TENM1: variants seen among roughly 807,000 people sequenced by gnomAD.
TENM1 encodes the protein teneurin-1.
In TENM1, 35 loss-of-function variants were observed where a neutral mutation model predicts 174.8. The ratio of observed to expected loss-of-function variants is 0.20; its 90% CI spans 0.15 to 0.27. The LOEUF (loss-of-function observed/expected upper bound fraction) is 0.27, where lower values mean the gene tolerates loss of function less well. Ranked by LOEUF, TENM1 falls within the 10% of genes least tolerant of loss-of-function variation. TENM1 has a pLI of 1.00. For missense variants in TENM1, 1,633 were observed against 2,130.1 expected (o/e 0.77, Z 4.59); for synonymous variants, 781 against 798.7 (o/e 0.98, Z 0.37).
chrX:124,405,143 A>G (rs1343327666), exon 27 of TENM1: 1 of 1,211,659 alleles, frequency 8.3e-7, no homozygotes, highest in Non-Finnish European at 1.1e-6. Flanking sequence ...GCATTTGCCC[A>G]GGGTAGGGTT....
chrX:124,892,834 CA>C (rs1281683024), intron 3 of TENM1, among the ~76,000 whole-genome samples: 1 of 111,986 alleles, frequency 8.9e-6, no homozygotes, highest in East Asian at 2.8e-4. Context: ...GGTAGCAAAA[CA>C]TATACATAAA....
chrX:124,955,957 T>C (rs974737286), intron 1 of TENM1, among the ~76,000 whole-genome samples: 1 of 111,594 alleles, frequency 9.0e-6, no homozygotes, highest in African/African-American at 3.3e-5. Flanking sequence ...CTCTGTAATA[T>C]TGGGCAAGTT....
intron 14 of TENM1, among the ~76,000 whole-genome samples, chrX:124,549,153 A>G: frequency 8.9e-6 from 1 of 111,833 alleles, no homozygotes; most frequent in Non-Finnish European, 1.9e-5. Context: ...TCTCCCTCCA[A>G]TACGCTGTTC....
chrX:125,008,475 A>G, the TENM1 span, among the ~76,000 whole-genome samples: 1 of 111,943 alleles, frequency 8.9e-6, no homozygotes, highest in Non-Finnish European at 1.9e-5. Flanking sequence ...ACATATCAAC[A>G]AGACAGAAAA....
chrX:124,826,270 G>A (rs1431349218), intron 3 of TENM1, among the ~76,000 whole-genome samples: 9 of 109,940 alleles, frequency 8.2e-5, no homozygotes, highest in East Asian at 2.8e-4. Flanking sequence ...TTAGCCTGGC[G>A]TGTTGGCAGA....
intron 11 of TENM1, among the ~76,000 whole-genome samples, chrX:124,591,637 C>T (rs1410419242): frequency 9.0e-6 from 1 of 111,723 alleles, no homozygotes; most frequent in Non-Finnish European, 1.9e-5. Flanking sequence ...TGACCTTTTA[C>T]TCTGGCTGCT....
chrX:124,945,096 G>A (rs756459013), intron 1 of TENM1, among the ~76,000 whole-genome samples: 7 of 111,908 alleles, frequency 6.3e-5, no homozygotes, highest in East Asian at 5.7e-4. Flanking sequence ...TTTCAATAGC[G>A]TAGTCAGGGA....
chrX:124,426,350 C>T (rs1292449313), intron 23 of TENM1, among the ~76,000 whole-genome samples: 1 of 111,733 alleles, frequency 8.9e-6, no homozygotes, highest in Non-Finnish European at 1.9e-5. Flanking sequence ...TGAGTGAAAG[C>T]CCACAGAAGG....
chrX:125,164,471 T>G, the TENM1 span, among the ~76,000 whole-genome samples: 1 of 112,069 alleles, frequency 8.9e-6, no homozygotes, highest in Non-Finnish European at 1.9e-5. Flanking sequence ...TCAACTGCTC[T>G]ACAAAGCCAT....
exon 32 of TENM1, chrX:124,379,561 C>T (rs1042895808): frequency 1.8e-5 from 2 of 111,713 alleles, no homozygotes; most frequent in African/African-American, 6.5e-5. Context: ...ATGTATGTAT[C>T]GGCATCCCAG....
intron 28 of TENM1, among the ~76,000 whole-genome samples, chrX:124,388,164 C>T (rs780761645): frequency 4.5e-5 from 5 of 111,757 alleles, no homozygotes; most frequent in Non-Finnish European, 7.5e-5. Flanking sequence ...ACCTGTGACA[C>T]GGGCCAGGGA....
chrX:125,150,032 T>C, the TENM1 span, among the ~76,000 whole-genome samples: 1 of 110,402 alleles, frequency 9.1e-6, no homozygotes, highest in African/African-American at 3.3e-5. Context: ...TATTGAAGGA[T>C]AAGAGAATTA....
intron 3 of TENM1, among the ~76,000 whole-genome samples, chrX:124,852,830 A>G (rs1006614309): frequency 9.0e-6 from 1 of 111,601 alleles, no homozygotes; most frequent in African/African-American, 3.3e-5. Context: ...AGAAAACATC[A>G]GTGAAGGAGT....
chrX:124,809,109 T>C (rs894659752), intron 3 of TENM1, among the ~76,000 whole-genome samples: 1 of 111,226 alleles, frequency 9.0e-6, no homozygotes, highest in African/African-American at 3.3e-5. Context: ...AAATCAGACA[T>C]GAAAAAGACA....
chrX:124,385,834 G>A (rs1304121325), exon 29 of TENM1: 5 of 1,211,528 alleles, frequency 4.1e-6, no homozygotes, highest in Non-Finnish European at 5.6e-6. Context: ...ATAAGACTCT[G>A]CGCCCTGTCC....
the TENM1 span, among the ~76,000 whole-genome samples, chrX:125,052,712 A>G: frequency 1.5e-4 from 17 of 112,273 alleles, no homozygotes; most frequent in African/African-American, 4.2e-4. Flanking sequence ...CAGTGGACAC[A>G]TCTCTCAAAT....
the TENM1 span, among the ~76,000 whole-genome samples, chrX:125,018,992 T>C: frequency 8.9e-6 from 1 of 111,980 alleles, no homozygotes; most frequent in Non-Finnish European, 1.9e-5. Flanking sequence ...ATGCTGAGGT[T>C]TGTGTTATAC....
chrX:124,767,120 G>A (rs6655801), intron 3 of TENM1, among the ~76,000 whole-genome samples: 6,470 of 111,006 alleles, frequency 0.058, 286 homozygotes, highest in African/African-American at 0.15. Context: ...ACGCACATCT[G>A]TGTTTCCACA....
At chrX:124,754,376 C>G (rs2054169789) in intron 3 of TENM1, among the ~76,000 whole-genome samples, 1 of 111,729 alleles carries the variant, frequency 9.0e-6, no homozygotes, top group Non-Finnish European at 1.9e-5. Context: ...ATTCTTCTCT[C>G]TTTTCTTCTT....
Sources: allele counts gnomAD v4.1 joint callset (sites outside exome capture counted in the v4.1 genomes callset), GRCh38; gene constraint gnomAD v4.1.1; transcripts MANE v1.5; gene names NCBI Gene and HGNC (gene_info 2026-07-23, HGNC 2026-07-21).